The following PCDH15 variants were observed in gnomAD, a reference collection of about 807,000 sequenced individuals.
PCDH15 encodes protocadherin related 15, also known as protocadherin-15.
A neutral mutation model predicts 178.5 loss-of-function variants in PCDH15; 129 were observed. The observed-to-expected ratio is 0.72, with a 90% CI of 0.63 to 0.84. The LOEUF (loss-of-function observed/expected upper bound fraction) is 0.84. PCDH15 is among the 40% of genes least tolerant of loss of function. The probability of loss-of-function intolerance (pLI) is 0.00; values close to 1 mark genes in which losing one functional copy is unlikely to be tolerated. For missense variants in PCDH15, 2,230 were observed against 2,099.9 expected (o/e 1.06, Z -1.21); for synonymous variants, 800 against 732.0 (o/e 1.09, Z -1.50).
intron 3 of PCDH15, among the ~76,000 whole-genome samples, chr10:54,884,929 T>A (rs1258940085): frequency 6.6e-6 from 1 of 151,890 alleles, no homozygotes; most frequent in Non-Finnish European, 1.5e-5. Flanking sequence ...TCTCATGTGA[T>A]TTTATGTAAA....
At chr10:54,745,170 G>A (rs941685605) in intron 1 of PCDH15, among the ~76,000 whole-genome samples, 1 of 152,070 alleles carries the variant, frequency 6.6e-6, no homozygotes, top group African/African-American at 2.4e-5. Context: ...CCGGGTTATG[G>A]TTGTGGCAGA....
At chr10:54,697,221 A>G (rs1448192032) in intron 1 of PCDH15, among the ~76,000 whole-genome samples, 4 of 152,136 alleles carry the variant, frequency 2.6e-5, no homozygotes, top group African/African-American at 4.8e-5. Flanking sequence ...TAAATTATCT[A>G]AAATATCAGA....
At chr10:54,987,276 T>A (rs1235161432) in intron 2 of PCDH15, among the ~76,000 whole-genome samples, 1 of 152,178 alleles carries the variant, frequency 6.6e-6, no homozygotes, top group African/African-American at 2.4e-5. Context: ...TGATGGGCAT[T>A]TGGGTTCATT....
chr10:53,937,062 C>A (rs149796850), intron 25 of PCDH15, among the ~76,000 whole-genome samples: 307 of 152,210 alleles, frequency 2.0e-3, no homozygotes, highest in African/African-American at 7.0e-3. Flanking sequence ...TTTTAGACTT[C>A]ATGCATTTCT....
At chr10:54,528,306 A>G (rs921467733) in intron 2 of PCDH15, 16 of 1,315,880 alleles carry the variant, frequency 1.2e-5, no homozygotes, top group Non-Finnish European at 1.5e-5. Flanking sequence ...TAGAATTTTA[A>G]TAATGTTCTA....
intron 1 of PCDH15, among the ~76,000 whole-genome samples, chr10:54,766,544 GA>G (rs58039735): frequency 0.12 from 16,914 of 142,866 alleles, 1,182 homozygotes; most frequent in Middle Eastern, 0.2. Context: ...ATTGATACAA[GA>G]AAAAAAAAAA....
chr10:54,432,158 C>G (rs1957042003), intron 3 of PCDH15, among the ~76,000 whole-genome samples: 1 of 151,924 alleles, frequency 6.6e-6, no homozygotes, highest in South Asian at 2.1e-4. Context: ...CAGCAATTCA[C>G]AGATTCAATA....
chr10:54,033,592 G>C (rs1424192540), intron 18 of PCDH15, among the ~76,000 whole-genome samples: 1 of 151,850 alleles, frequency 6.6e-6, no homozygotes, highest in South Asian at 2.1e-4. Flanking sequence ...GGGTATCTCT[G>C]AGCTTGTACT....
intron 2 of PCDH15, chr10:54,528,400 A>G (rs1323421882): frequency 1.3e-6 from 2 of 1,575,876 alleles, no homozygotes; most frequent in Non-Finnish European, 1.7e-6. Context: ...TCATATTGCC[A>G]GTCTGGAGTC....
rs528572550 is a variant in PCDH15, at chr10:54,292,654, A to G, written c.876+24617T>C. Reference sequence around the variant, plus strand: ...GATACAAAATCAATGTGCAAAAATCACAAGCATTCCTATATGTCAATAACA... The same window carrying G: ...GATACAAAATCAATGTGCAAAAATCGCAAGCATTCCTATATGTCAATAACA... On this transcript the variant is annotated intron_variant, in intron 8 of 37. Coordinates refer to ENST00000644397, the MANE Select transcript of PCDH15 (RefSeq NM_001384140.1). Among the ~76,000 whole-genome samples, 358 of 152,318 alleles carry G rather than the reference A, an allele frequency of 2.4e-3. 1 individual carries two copies. Among genetic ancestry groups the G allele is most frequent in the Non-Finnish European group, 3.7e-3 (251 of 68,028 alleles).
chr10:54,904,788 T>C (rs932535513), intron 2 of PCDH15, among the ~76,000 whole-genome samples: 2 of 151,684 alleles, frequency 1.3e-5, no homozygotes, highest in Non-Finnish European at 2.9e-5. Flanking sequence ...TCCTTAACTC[T>C]AATCAATTTC....
upstream of PCDH15, among the ~76,000 whole-genome samples, chr10:54,804,459 G>A (rs1952741694): frequency 6.6e-6 from 1 of 152,048 alleles, no homozygotes. Context: ...GATGATTATT[G>A]TAGAGACCAT....
At chr10:54,623,864 C>G (rs958773659) in intron 2 of PCDH15, among the ~76,000 whole-genome samples, 2 of 151,966 alleles carry the variant, frequency 1.3e-5, no homozygotes, top group African/African-American at 4.8e-5. Context: ...TAGCTACTCG[C>G]TTTGATCTGT....
chr10:55,170,236 A>G (rs1839296685), intron 1 of PCDH15, among the ~76,000 whole-genome samples: 1 of 151,706 alleles, frequency 6.6e-6, no homozygotes, highest in South Asian at 2.1e-4. Flanking sequence ...TACAGGCTTG[A>G]CCTCCTGGGC....
chr10:55,252,275 C>T (rs962888456), intron 1 of PCDH15, among the ~76,000 whole-genome samples: 2 of 152,172 alleles, frequency 1.3e-5, no homozygotes, highest in East Asian at 3.9e-4. Context: ...AGATTACACC[C>T]TACCCAAATA....
At chr10:55,509,595 T>G (rs1840834609) in intron 2 of PCDH15, among the ~76,000 whole-genome samples, 1 of 151,908 alleles carries the variant, frequency 6.6e-6, no homozygotes, top group Admixed American at 6.6e-5. Flanking sequence ...TTAAATTAAT[T>G]GTACCAATTG....
intron 1 of PCDH15, among the ~76,000 whole-genome samples, chr10:54,750,547 A>C (rs1431387674): frequency 6.6e-6 from 1 of 152,120 alleles, no homozygotes; most frequent in Non-Finnish European, 1.5e-5. Context: ...GTTGAAAGTT[A>C]GTTAAAAATG....
chr10:54,952,983 A>T (rs1333436328), intron 2 of PCDH15, among the ~76,000 whole-genome samples: 1 of 151,592 alleles, frequency 6.6e-6, no homozygotes, highest in African/African-American at 2.4e-5. Flanking sequence ...TATTTTTAAA[A>T]GTTTCTATTT....
chr10:55,071,569 C>A (rs1211393483), intron 2 of PCDH15, among the ~76,000 whole-genome samples: 4 of 152,182 alleles, frequency 2.6e-5, no homozygotes, highest in African/African-American at 9.6e-5. Context: ...TATATGCACC[C>A]AATACAGGAG....
Sources: gnomAD v4.1 joint callset for allele counts (sites outside exome capture counted in the v4.1 genomes callset) on GRCh38, gnomAD v4.1.1 for gene constraint, MANE v1.5 for transcripts, NCBI Gene and HGNC (gene_info 2026-07-23, HGNC 2026-07-21) for gene names.